Variants in ADCY3 observed in about 807,000 individuals in gnomAD.
ADCY3 encodes adenylate cyclase 3.
ADCY3 carries 70 observed loss-of-function variants against 119.4 expected under a neutral mutation model. That is an observed-to-expected ratio of 0.59 (90% confidence interval 0.48 to 0.72). The LOEUF (loss-of-function observed/expected upper bound fraction) is 0.72, where lower values mean the gene tolerates loss of function less well. ADCY3 is among the 30% of genes least tolerant of loss of function. ADCY3 has a pLI of 0.00. For synonymous variants in ADCY3, 672 were observed against 621.4 expected, an observed-to-expected ratio of 1.08 and a Z score of -1.21; for missense variants, 1,238 against 1,541.6, an observed-to-expected ratio of 0.80 and a Z score of 3.30.
In ADCY3 at chr2:24,872,855, G is replaced by A; in HGVS notation, c.676-136C>T. The A allele has an allele frequency of 2.9e-6, 3 of 1,048,900 alleles. No homozygotes were observed. The highest frequency in any genetic ancestry group is 2.6e-5 in the East Asian group (1 of 38,336). 65.0% of individuals were successfully genotyped at this position (1,048,900 alleles called of 1,614,324 possible). A position where few individuals can be genotyped will look rare whatever the true frequency, so the allele number is the denominator to read the frequency against. On this transcript the variant is annotated intron_variant, in intron 2 of 21. Transcript: ENST00000679454. The surrounding 1 kb of genome is among the most constrained non-coding windows in gnomAD (Gnocchi z 4.4). ...CTCAAGTTGCCCAATGTCCAGGGAG[G>A]GGCCCAGCACAGCCTTGGACCCCAG...
At chr2:24,912,581 GTGTGCA>G (rs1663885653) in intron 2 of ADCY3, among the ~76,000 whole-genome samples, 9 of 41,726 alleles carry the variant, frequency 2.2e-4, no homozygotes, top group African/African-American at 1.3e-3. Context: ...GTGTGTGTGT[GTGTGCA>G]TGTGTGTGTG....
chr2:24,874,617 C>T (rs1675429978), intron 2 of ADCY3, among the ~76,000 whole-genome samples: 1 of 152,218 alleles, frequency 6.6e-6, no homozygotes, highest in African/African-American at 2.4e-5. Context: ...AGGTCTTCTT[C>T]TGGCCTTGCT....
At chr2:24,862,748 C>G (rs1210739847) in intron 3 of ADCY3, among the ~76,000 whole-genome samples, 1 of 151,960 alleles carries the variant, frequency 6.6e-6, no homozygotes, top group Non-Finnish European at 1.5e-5. Context: ...CTGAGTTTTT[C>G]TAACTGCATA....
intron 2 of ADCY3, among the ~76,000 whole-genome samples, chr2:24,884,499 G>A (rs185438809): frequency 0.016 from 1,723 of 104,918 alleles, 26 homozygotes; most frequent in African/African-American, 0.071. Flanking sequence ...TTTTTGAGAC[G>A]GAGTCTCACT....
Position 24,841,190 on chromosome 2 carries a change from T to G in ADCY3, c.1196+69A>C. The G allele has an allele frequency of 4.1e-6, 6 of 1,477,612 alleles. No individual in the cohort carries two copies. The highest frequency in any genetic ancestry group is 5.4e-6 in the Non-Finnish European group (6 of 1,111,764). 91.5% of individuals were successfully genotyped at this position (1,477,612 alleles called of 1,614,324 possible). ...GGGGCCATGGCCAGCGCGGAAGACC[T>G]GCTTCTCCCTGGGTCCAGGGCCGGG... On this transcript the variant is annotated intron_variant, in intron 6 of 21. Transcript: ENST00000679454. This position sits in a 1 kb window ranked among gnomAD's most constrained non-coding sequence, Gnocchi z 5.8.
intron 3 of ADCY3, among the ~76,000 whole-genome samples, chr2:24,865,875 C>T (rs988740359): frequency 3.0e-4 from 45 of 152,084 alleles, no homozygotes; most frequent in African/African-American, 1.1e-3. Flanking sequence ...ATGCACTCCA[C>T]CACTTTTCCC....
At chr2:24,890,596 G>A (rs1677545162) in intron 2 of ADCY3, among the ~76,000 whole-genome samples, 1 of 152,098 alleles carries the variant, frequency 6.6e-6, no homozygotes, top group African/African-American at 2.4e-5. Context: ...AGTTGTTTAT[G>A]ACATCATCTT....
intron 18 of ADCY3, 105 bp downstream of exon 18, chr2:24,823,104 C>T: frequency 7.2e-7 from 1 of 1,387,562 alleles, no homozygotes; most frequent in Non-Finnish European, 9.6e-7. Context: ...AGGGGCTTAT[C>T]TGGGAAAATG....
intron 3 of ADCY3, among the ~76,000 whole-genome samples, chr2:24,848,175 G>A (rs542297846): frequency 5.3e-5 from 8 of 152,348 alleles, no homozygotes; most frequent in South Asian, 4.1e-4. Context: ...ATGCTGGAAG[G>A]TTGTGGGTTT....
intron 2 of ADCY3, among the ~76,000 whole-genome samples, chr2:24,882,626 C>T (rs1400873900): frequency 2.0e-5 from 3 of 152,176 alleles, no homozygotes; most frequent in South Asian, 2.1e-4. Flanking sequence ...GTTTTAAAGC[C>T]GAATCATGTT....
Position 24,824,427 on chromosome 2 carries a change from A to C in ADCY3, c.2687T>G (p.Leu896Trp). ...RWNEALVTNMLPEHVARHFLG... is the reference protein window; with the variant it reads ...RWNEALVTNMWPEHVARHFLG... Reference sequence around the variant, plus strand: ...GAAATGGCGTGCCACGTGCTCAGGCAACATGTTGGTGACCAAGGCCTCGTT... The same window carrying C: ...GAAATGGCGTGCCACGTGCTCAGGCCACATGTTGGTGACCAAGGCCTCGTT... Residue 896 changes from leucine (L) to tryptophan (W), a missense_variant, in exon 17 of 22, where the codon TTG becomes TGG. By Grantham distance (61) the Leu-to-Trp change is moderately conservative. This residue lies in a region of ADCY3 where 499 missense variants were observed against 571.0 expected (regional missense o/e 0.87). Transcript: ENST00000679454. The C allele has an allele frequency of 6.2e-7, 1 of 1,614,246 alleles. No individual in the cohort carries two copies. The highest frequency in any genetic ancestry group is 8.5e-7 in the Non-Finnish European group (1 of 1,180,048).
chr2:24,820,941 C>T, intron 20 of ADCY3, 93 bp from the exon 21 acceptor site: 1 of 1,524,016 alleles, frequency 6.6e-7, no homozygotes, highest in Non-Finnish European at 8.9e-7. Context: ...TACCACAAAG[C>T]TCCTAATGTA....
intron 3 of ADCY3, among the ~76,000 whole-genome samples, chr2:24,857,227 C>T (rs892888206): frequency 3.9e-5 from 6 of 152,256 alleles, no homozygotes; most frequent in African/African-American, 9.6e-5. Flanking sequence ...CAGGGGCCAC[C>T]GTGTAGGCCA....
chr2:24,850,700 A>T (rs1030191006), intron 3 of ADCY3, among the ~76,000 whole-genome samples: 1 of 152,266 alleles, frequency 6.6e-6, no homozygotes, highest in African/African-American at 2.4e-5. Context: ...GGTGATCTGC[A>T]TTGCAACTTG....
chr2:24,852,067 T>C (rs1227348951), intron 3 of ADCY3, among the ~76,000 whole-genome samples: 1 of 152,126 alleles, frequency 6.6e-6, no homozygotes, highest in Non-Finnish European at 1.5e-5. Context: ...CCCTGGTGTT[T>C]TGTAACATAG....
chr2:24,875,116 C>A (rs1675521802), intron 2 of ADCY3, among the ~76,000 whole-genome samples: 1 of 151,572 alleles, frequency 6.6e-6, no homozygotes, highest in South Asian at 2.1e-4. Flanking sequence ...GATGGCCAGG[C>A]AAGGTTGTCC....
intron 3 of ADCY3, among the ~76,000 whole-genome samples, chr2:24,856,008 C>T (rs1672951981): frequency 6.6e-6 from 1 of 152,164 alleles, no homozygotes; most frequent in African/African-American, 2.4e-5. Flanking sequence ...ACAGCTGAGG[C>T]TCTGATGAGG....
rs921486171 is a variant in ADCY3 at position 24,820,122 on chromosome 2, G to A, written c.3253-8C>T. On this transcript the variant is annotated splice_region_variant and splice_polypyrimidine_tract_variant and intron_variant, in intron 21 of 21. Coordinates refer to ENST00000679454, the MANE Select transcript of ADCY3 (RefSeq NM_004036.5). ...TTGGGTTTCTTCTACCACCTGGAGAGGGAGGGGGAGCAAGAACGTGGCGTT... is the reference window on the plus strand; with the variant it reads ...TTGGGTTTCTTCTACCACCTGGAGAAGGAGGGGGAGCAAGAACGTGGCGTT... 2.0e-6 allele frequency: 3 copies of A among 1,533,754 alleles called. No homozygotes were observed. Among genetic ancestry groups the A allele is most frequent in the Admixed American group, 2.1e-5 (1 of 48,444 alleles).
chr2:24,843,062 G>A (rs1471841610), intron 3 of ADCY3, among the ~76,000 whole-genome samples: 3 of 152,210 alleles, frequency 2.0e-5, no homozygotes, highest in Non-Finnish European at 2.9e-5. Flanking sequence ...ACGCGACGCT[G>A]AGGGCACTCC....
Sources: gnomAD v4.1 joint callset for allele counts (sites outside exome capture counted in the v4.1 genomes callset) on GRCh38, gnomAD v4.1.1 for gene constraint, gnomAD v4.1.1 regional missense constraint, Gnocchi (gnomAD v3.1) non-coding constraint, MANE v1.5 for transcripts, NCBI Gene and HGNC (gene_info 2026-07-23, HGNC 2026-07-21) for gene names.